The following ARHGAP42 variants were observed in gnomAD, a reference collection of about 807,000 sequenced individuals.
ARHGAP42 encodes Rho GTPase activating protein 42, also known as rho GTPase-activating protein 42.
Under a neutral mutation model 125.0 loss-of-function variants are expected in ARHGAP42, and 63 were observed. The observed-to-expected ratio is 0.50, with a 90% CI of 0.41 to 0.62. The LOEUF is 0.62. Among genes scored for constraint, ARHGAP42 ranks in the 20% least tolerant of loss-of-function variants. ARHGAP42 has a pLI of 0.00. For missense variants in ARHGAP42, 766 were observed against 1,024.2 expected, an observed-to-expected ratio of 0.75 and a Z score of 3.44; for synonymous variants, 339 against 351.0, an observed-to-expected ratio of 0.97 and a Z score of 0.38.
At chr11:100,837,259 C>G (rs1431287244) in intron 3 of ARHGAP42, among the ~76,000 whole-genome samples, 1 of 151,770 alleles carries the variant, frequency 6.6e-6, no homozygotes, top group African/African-American at 2.4e-5. Flanking sequence ...TGCAGTTATC[C>G]AAATTAGGAA....
intron 3 of ARHGAP42, among the ~76,000 whole-genome samples, chr11:100,816,321 G>GT (rs199721227): frequency 0.013 from 1,912 of 150,330 alleles, 35 homozygotes; most frequent in Middle Eastern, 0.048. Flanking sequence ...TTGTTTTTTT[G>GT]TTTTTTTTTG....
chr11:100,688,203 T>C (rs1861123882), intron 1 of ARHGAP42, among the ~76,000 whole-genome samples: 1 of 152,182 alleles, frequency 6.6e-6, no homozygotes, highest in East Asian at 1.9e-4. Context: ...ATCAAGAGTT[T>C]GTCTTAAAGA....
At chr11:100,788,453 A>G (rs181688748) in intron 2 of ARHGAP42, among the ~76,000 whole-genome samples, 13 of 152,292 alleles carry the variant, frequency 8.5e-5, no homozygotes, top group African/African-American at 3.1e-4. Flanking sequence ...ACTAGGTCGT[A>G]TTTACAGTGA....
intron 4 of ARHGAP42, among the ~76,000 whole-genome samples, chr11:100,860,175 G>A (rs1160585472): frequency 7.9e-5 from 12 of 152,012 alleles, no homozygotes; most frequent in African/African-American, 2.4e-4. Flanking sequence ...CATCATGGGA[G>A]CATATAAAAC....
intron 6 of ARHGAP42, among the ~76,000 whole-genome samples, chr11:100,929,790 A>G (rs993064005): frequency 3.9e-5 from 6 of 152,194 alleles, no homozygotes; most frequent in African/African-American, 9.7e-5. Context: ...TTGTTTATAT[A>G]TTCTGCATAC....
At chr11:100,724,426 C>T (rs560188638) in intron 1 of ARHGAP42, among the ~76,000 whole-genome samples, 199 of 152,156 alleles carry the variant, frequency 1.3e-3, no homozygotes, top group African/African-American at 4.4e-3. Context: ...TGGTAGAATT[C>T]CCAGTGAGAC....
At chr11:100,815,057 CT>C (rs1039515786) in intron 3 of ARHGAP42, among the ~76,000 whole-genome samples, 1 of 152,196 alleles carries the variant, frequency 6.6e-6, no homozygotes, top group Non-Finnish European at 1.5e-5. Context: ...GTGTCCAGTA[CT>C]TTTTCTTTAT....
At position 100,890,493 on chromosome 11, in the gene ARHGAP42, A is replaced by G. The variant is rs12281097; in HGVS notation, c.385-22959A>G. Among the ~76,000 whole-genome samples, 375 of 152,302 alleles carry G rather than the reference A, an allele frequency of 2.5e-3. 2 individuals are homozygous for G. The highest frequency in any genetic ancestry group is 8.7e-3 in the African/African-American group (361 of 41,572). On this transcript the variant is annotated intron_variant, in intron 4 of 23. Coordinates refer to ENST00000298815, the MANE Select transcript of ARHGAP42 (RefSeq NM_152432.4). ...TAAGTACCATTCATATTCGTATTGTACATATGAGGAAATCTGAGAAATAAC... is the reference window on the plus strand; with the variant it reads ...TAAGTACCATTCATATTCGTATTGTGCATATGAGGAAATCTGAGAAATAAC...
chr11:100,801,731 G>A (rs1863856430), intron 3 of ARHGAP42, among the ~76,000 whole-genome samples: 1 of 152,156 alleles, frequency 6.6e-6, no homozygotes, highest in South Asian at 2.1e-4. Flanking sequence ...ACCTTTTGAG[G>A]AGGGTATAGT....
intron 7 of ARHGAP42, among the ~76,000 whole-genome samples, chr11:100,933,519 G>C (rs1413968226): frequency 2.0e-5 from 3 of 152,162 alleles, no homozygotes; most frequent in Non-Finnish European, 4.4e-5. Flanking sequence ...TAAGTTTGGA[G>C]AGCTAATTTG....
chr11:100,770,221 G>T (rs1428001822), intron 1 of ARHGAP42, 122 bp from the exon 2 acceptor site: 2 of 662,190 alleles, frequency 3.0e-6, no homozygotes, highest in Non-Finnish European at 5.0e-6. Flanking sequence ...TAGTCAAACT[G>T]GTATTAAAGG....
At chr11:100,871,890 T>A (rs1865705283) in intron 4 of ARHGAP42, among the ~76,000 whole-genome samples, 1 of 152,186 alleles carries the variant, frequency 6.6e-6, no homozygotes. Context: ...ATTACAGGCA[T>A]GTGCCATCAC....
chr11:100,708,955 G>A (rs1289122287), intron 1 of ARHGAP42, among the ~76,000 whole-genome samples: 2 of 152,160 alleles, frequency 1.3e-5, no homozygotes, highest in Non-Finnish European at 2.9e-5. Flanking sequence ...AAAGTTACAT[G>A]AATATGATTT....
intron 1 of ARHGAP42, among the ~76,000 whole-genome samples, chr11:100,722,393 CTTTT>C (rs199744764): frequency 1.5e-5 from 2 of 135,154 alleles, no homozygotes. Context: ...AAATTTATTA[CTTTT>C]TTTTTTTTTT....
In ARHGAP42 at chr11:100,949,956, A is replaced by C; in HGVS notation, c.1162A>C (p.Met388Leu). The change falls in exon 12 of 24, where the codon ATG becomes CTG. Residue 388 changes from methionine to leucine, a missense_variant and splice_region_variant. Physicochemically the swap from Met to Leu is conservative, Grantham distance 15. This residue lies in a region of ARHGAP42 where 455 missense variants were observed against 636.5 expected (regional missense o/e 0.71). Transcript: ENST00000298815. ...LPAIISKKEE[M>L]YLNEAGFNFV... Reference sequence around the variant, plus strand: ...TGCCATTATAAGCAAGAAAGAAGAAAGTAAGTCATTTTAATAGTTATTTAA... The same window carrying C: ...TGCCATTATAAGCAAGAAAGAAGAACGTAAGTCATTTTAATAGTTATTTAA... 1 of 1,449,772 alleles carries C rather than the reference A, an allele frequency of 6.9e-7. No homozygotes were observed. Among genetic ancestry groups the C allele is most frequent in the South Asian group, 1.3e-5 (1 of 77,714 alleles). The allele number at this position is 1,449,772 out of a possible 1,614,324, so 89.8% of individuals were successfully genotyped here. A position where few individuals can be genotyped will look rare whatever the true frequency, so the allele number is the denominator to read the frequency against.
chr11:100,720,446 T>G (rs1409507437), intron 1 of ARHGAP42, among the ~76,000 whole-genome samples: 2 of 152,228 alleles, frequency 1.3e-5, no homozygotes, highest in Non-Finnish European at 2.9e-5. Context: ...CCAAACTTTC[T>G]CTAATGTTTC....
At chr11:100,865,899 C>T (rs1179715110) in intron 4 of ARHGAP42, among the ~76,000 whole-genome samples, 5 of 152,216 alleles carry the variant, frequency 3.3e-5, no homozygotes, top group African/African-American at 2.4e-5. Context: ...GTGGCTGTGG[C>T]GGTTTCTGAA....
chr11:100,993,589 T>C lies in ARHGAP42; in HGVS notation c.*4788T>C, dbSNP rs1357785626. The C allele has an allele frequency of 6.0e-6, 1 of 166,968 alleles. No homozygotes were observed. The highest frequency in any genetic ancestry group is 1.5e-5 in the Non-Finnish European group (1 of 68,108). 10.3% of individuals were successfully genotyped at this position (166,968 alleles called of 1,614,324 possible). A position where few individuals can be genotyped will look rare whatever the true frequency, so the allele number is the denominator to read the frequency against. Reference sequence around the variant, plus strand: ...GAATTTGGCAGGGAAGACACCTGGGTTTTTAATTCAGAACCCTATTTATAT... The same window carrying C: ...GAATTTGGCAGGGAAGACACCTGGGCTTTTAATTCAGAACCCTATTTATAT... On this transcript the variant is annotated 3_prime_UTR_variant, in exon 24 of 24. Coordinates refer to ENST00000298815, the MANE Select transcript of ARHGAP42 (RefSeq NM_152432.4).
At chr11:100,873,240 T>A (rs1591257386) in intron 4 of ARHGAP42, among the ~76,000 whole-genome samples, 1 of 152,242 alleles carries the variant, frequency 6.6e-6, no homozygotes, top group East Asian at 1.9e-4. Flanking sequence ...TGATTGCAGC[T>A]GCTACATTTA....
Sources: allele counts gnomAD v4.1 joint callset (sites outside exome capture counted in the v4.1 genomes callset), GRCh38; gene constraint gnomAD v4.1.1; regional missense constraint gnomAD v4.1.1; transcripts MANE v1.5; gene names NCBI Gene and HGNC (gene_info 2026-07-23, HGNC 2026-07-21).